Variants in LRP1B observed in about 807,000 individuals in gnomAD.
LRP1B encodes the protein low-density lipoprotein receptor-related protein 1B.
Under a neutral mutation model 556.6 loss-of-function variants are expected in LRP1B, and 217 were observed. That is an observed-to-expected ratio of 0.39 (90% CI 0.35 to 0.44). The LOEUF (loss-of-function observed/expected upper bound fraction) is 0.44, where lower values mean the gene tolerates loss of function less well. Among genes scored for constraint, LRP1B ranks in the 20% least tolerant of loss-of-function variants. The pLI is 1.00. For missense variants in LRP1B, 5,053 were observed against 5,620.8 expected (o/e 0.90, Z 3.23); for synonymous variants, 2,047 against 1,865.8 (o/e 1.10, Z -2.50).
intron 2 of LRP1B, among the ~76,000 whole-genome samples, chr2:141,505,447 C>A (rs1016141095): frequency 1.3e-5 from 2 of 151,942 alleles, no homozygotes; most frequent in Non-Finnish European, 2.9e-5. Flanking sequence ...TTATAATATG[C>A]AAGAAAACTA....
intron 2 of LRP1B, among the ~76,000 whole-genome samples, chr2:141,627,467 C>T (rs746093640): frequency 6.6e-6 from 1 of 152,140 alleles, no homozygotes; most frequent in Non-Finnish European, 1.5e-5. Flanking sequence ...GGAAGTGGGC[C>T]GCACAGCAGG....
At chr2:142,116,086 A>G (rs1185689018) in intron 1 of LRP1B, among the ~76,000 whole-genome samples, 1 of 145,132 alleles carries the variant, frequency 6.9e-6, no homozygotes, top group East Asian at 2.0e-4. Flanking sequence ...GTGCGGTTGC[A>G]TATGCCTGTA....
chr2:141,074,378 C>A (rs534261964), intron 7 of LRP1B, among the ~76,000 whole-genome samples: 30 of 152,020 alleles, frequency 2.0e-4, no homozygotes, highest in Admixed American at 3.3e-4. Flanking sequence ...AATTTCATGG[C>A]ATTCTGTACT....
At chr2:141,110,555 C>G (rs138974912) in intron 7 of LRP1B, among the ~76,000 whole-genome samples, 3 of 152,040 alleles carry the variant, frequency 2.0e-5, no homozygotes, top group Non-Finnish European at 4.4e-5. Flanking sequence ...GGAGAAAAAC[C>G]TTTATGGGAA....
chr2:141,142,779 T>C (rs1423636584), intron 7 of LRP1B, among the ~76,000 whole-genome samples: 1 of 151,598 alleles, frequency 6.6e-6, no homozygotes, highest in Non-Finnish European at 1.5e-5. Flanking sequence ...ATTTTACTTA[T>C]AAATAAACTG....
intron 4 of LRP1B, among the ~76,000 whole-genome samples, chr2:141,252,284 TCA>T (rs1434077967): frequency 4.0e-5 from 6 of 151,888 alleles, no homozygotes; most frequent in African/African-American, 1.5e-4. Context: ...AATCCTTGTT[TCA>T]GAGTTGACTT....
At chr2:141,639,389 TACAC>T (rs1307813684) in intron 2 of LRP1B, among the ~76,000 whole-genome samples, 1,364 of 84,218 alleles carry the variant, frequency 0.016, 51 homozygotes, top group African/African-American at 0.046. Flanking sequence ...CATATATATA[TACAC>T]ATATATATAT....
intron 23 of LRP1B, among the ~76,000 whole-genome samples, chr2:140,889,498 G>A (rs1200381587): frequency 1.3e-5 from 2 of 152,130 alleles, no homozygotes; most frequent in African/African-American, 4.8e-5. Context: ...GTTTCTCCAT[G>A]TTGGCCAGGA....
intron 41 of LRP1B, among the ~76,000 whole-genome samples, chr2:140,647,234 A>C (rs1684516915): frequency 6.6e-6 from 1 of 152,200 alleles, no homozygotes; most frequent in African/African-American, 2.4e-5. Flanking sequence ...ATAATGTTTT[A>C]AAAATTATAT....
chr2:141,011,348 TG>T (rs1252656855), intron 14 of LRP1B, among the ~76,000 whole-genome samples: 2 of 151,960 alleles, frequency 1.3e-5, no homozygotes, highest in African/African-American at 4.8e-5. Flanking sequence ...TAAGACAAAC[TG>T]CTCACAACTG....
chr2:140,441,081 C>T (rs183646443), intron 66 of LRP1B, among the ~76,000 whole-genome samples: 99 of 152,096 alleles, frequency 6.5e-4, no homozygotes, highest in African/African-American at 2.1e-3. Context: ...ACATATTTCT[C>T]GGGCCATATG....
chr2:140,431,979 A>T (rs1259617763), intron 66 of LRP1B, among the ~76,000 whole-genome samples: 1 of 152,138 alleles, frequency 6.6e-6, no homozygotes, highest in Non-Finnish European at 1.5e-5. Context: ...TTATTAATAT[A>T]AGAAGACAGG....
intron 2 of LRP1B, among the ~76,000 whole-genome samples, chr2:141,776,367 C>G (rs80192481): frequency 0.098 from 14,994 of 152,234 alleles, 1,055 homozygotes; most frequent in African/African-American, 0.2. Flanking sequence ...TTGGCGAGAG[C>G]CACTCCATAT....
chr2:140,444,962 AT>A (rs1686591947), intron 63 of LRP1B, among the ~76,000 whole-genome samples: 1 of 152,152 alleles, frequency 6.6e-6, no homozygotes, highest in African/African-American at 2.4e-5. Flanking sequence ...AAGTCTTCTC[AT>A]TTTAATGAAA....
intron 19 of LRP1B, 124 bp from the exon 20 acceptor site, chr2:140,950,526 C>A: frequency 1.4e-6 from 1 of 706,468 alleles, no homozygotes. Flanking sequence ...CTCTGTCACC[C>A]AACCTGTAGT....
chr2:141,981,805 A>G (rs972553100), intron 1 of LRP1B, among the ~76,000 whole-genome samples: 1 of 152,110 alleles, frequency 6.6e-6, no homozygotes, highest in Admixed American at 6.6e-5. Context: ...TAAGCAAAAG[A>G]GATGCTTGTC....
chr2:142,093,622 G>A (rs577740094), intron 1 of LRP1B, among the ~76,000 whole-genome samples: 20 of 152,202 alleles, frequency 1.3e-4, no homozygotes, highest in African/African-American at 4.8e-4. Flanking sequence ...AGCCATCAGA[G>A]GGAGTAAACC....
At chr2:140,710,993 G>A (rs956056608) in intron 37 of LRP1B, among the ~76,000 whole-genome samples, 5 of 151,918 alleles carry the variant, frequency 3.3e-5, no homozygotes, top group African/African-American at 9.7e-5. Flanking sequence ...AAAAGGGAAA[G>A]GCTTCATTGA....
At chr2:141,278,659 A>G (rs2105382861) in intron 3 of LRP1B, among the ~76,000 whole-genome samples, 1 of 152,222 alleles carries the variant, frequency 6.6e-6, no homozygotes, top group Non-Finnish European at 1.5e-5. Context: ...TACTTTGCAT[A>G]GAAGGAGCAA....
Sources: gnomAD v4.1 joint callset for allele counts (sites outside exome capture counted in the v4.1 genomes callset) on GRCh38, gnomAD v4.1.1 for gene constraint, MANE v1.5 for transcripts, NCBI Gene and HGNC (gene_info 2026-07-23, HGNC 2026-07-21) for gene names.